MAOA: variants seen among roughly 807,000 people sequenced by gnomAD.
MAOA encodes monoamine oxidase A, also known as amine oxidase [flavin-containing] A.
In MAOA, 6 loss-of-function variants were observed where a neutral mutation model predicts 42.0. The ratio of observed to expected loss-of-function variants is 0.14; its 90% CI spans 0.08 to 0.28. The LOEUF is 0.28. MAOA is among the 10% of genes least tolerant of loss of function. MAOA has a pLI of 1.00. For synonymous variants in MAOA, 140 were observed against 154.0 expected (o/e 0.91, Z 0.67); for missense variants, 262 against 422.3 (o/e 0.62, Z 3.33).
chrX:43,700,212 T>C (rs571053027), intron 3 of MAOA, among the ~76,000 whole-genome samples: 22 of 112,287 alleles, frequency 2.0e-4, no homozygotes, highest in African/African-American at 7.1e-4. Flanking sequence ...AAAAGCATTA[T>C]TTTTCCCAAC....
intron 1 of MAOA, among the ~76,000 whole-genome samples, chrX:43,675,433 G>T (rs1308927870): frequency 1.8e-5 from 2 of 111,248 alleles, no homozygotes; most frequent in Admixed American, 9.5e-5. Context: ...AGCCTTCTTC[G>T]CTCAACTCGT....
chrX:43,692,920 A>G (rs1178422975), intron 2 of MAOA, among the ~76,000 whole-genome samples: 1 of 112,401 alleles, frequency 8.9e-6, no homozygotes, highest in African/African-American at 3.2e-5. Context: ...GGTGGAAATT[A>G]GGGAATTAGG....
intron 5 of MAOA, among the ~76,000 whole-genome samples, chrX:43,715,802 T>C (rs2033738473): frequency 9.2e-6 from 1 of 108,412 alleles, no homozygotes; most frequent in African/African-American, 3.4e-5. Flanking sequence ...GGATACTGTG[T>C]TTGTAGGGGG....
At chrX:43,735,157 C>T (rs956628543) in intron 9 of MAOA, among the ~76,000 whole-genome samples, 1 of 112,139 alleles carries the variant, frequency 8.9e-6, no homozygotes, top group Non-Finnish European at 1.9e-5. Flanking sequence ...CCTAAAGGAA[C>T]TGCCAATCCA....
intron 1 of MAOA, among the ~76,000 whole-genome samples, chrX:43,673,002 T>G (rs1476002088): frequency 1.8e-5 from 2 of 111,309 alleles, no homozygotes; most frequent in Non-Finnish European, 3.8e-5. Flanking sequence ...TGGAATAGTT[T>G]CAGAAGGAAT....
chrX:43,684,565 C>CAAAAG (rs2033469346), intron 2 of MAOA, among the ~76,000 whole-genome samples: 1 of 111,069 alleles, frequency 9.0e-6, no homozygotes, highest in African/African-American at 3.3e-5. Context: ...CAAAACAAAA[C>CAAAAG]AAAACAAAAA....
intron 7 of MAOA, 146 bp downstream of exon 7, chrX:43,731,536 A>G (rs1339147603): frequency 1.2e-6 from 1 of 861,090 alleles, no homozygotes; most frequent in African/African-American, 2.0e-5. Flanking sequence ...TGGTTGACCT[A>G]CCTTGATCTG....
At chrX:43,709,895 T>G (rs2033687292) in intron 3 of MAOA, among the ~76,000 whole-genome samples, 2 of 112,303 alleles carry the variant, frequency 1.8e-5, no homozygotes, top group Non-Finnish European at 3.8e-5. Flanking sequence ...AAAAGGTACA[T>G]GTGGAAGATT....
At chrX:43,725,492 C>T in intron 5 of MAOA, among the ~76,000 whole-genome samples, 1 of 111,017 alleles carries the variant, frequency 9.0e-6, no homozygotes, top group East Asian at 2.8e-4. Context: ...GATTACAACC[C>T]CTGCTTTTTT....
intron 10 of MAOA, among the ~76,000 whole-genome samples, chrX:43,737,819 G>T (rs1298313370): frequency 9.0e-6 from 1 of 111,231 alleles, no homozygotes; most frequent in Non-Finnish European, 1.9e-5. Flanking sequence ...AGCATATAGC[G>T]CATACTTTTT....
At chrX:43,696,586 G>A (rs1020940241) in intron 3 of MAOA, among the ~76,000 whole-genome samples, 2 of 110,220 alleles carry the variant, frequency 1.8e-5, no homozygotes, top group East Asian at 2.9e-4. Flanking sequence ...AAAATTAGCC[G>A]GGCGTGCTGG....
intron 1 of MAOA, among the ~76,000 whole-genome samples, chrX:43,661,585 A>T (rs1296922565): frequency 9.0e-6 from 1 of 110,563 alleles, no homozygotes; most frequent in Non-Finnish European, 1.9e-5. Flanking sequence ...GAATGAAAAT[A>T]GTTGTTTCCT....
At chrX:43,681,880 A>ATATATAT (rs1337382916) in intron 1 of MAOA, among the ~76,000 whole-genome samples, 33 of 87,558 alleles carry the variant, frequency 3.8e-4, no homozygotes, top group African/African-American at 1.3e-3. Flanking sequence ...ATATATATAT[A>ATATATAT]TTTTTTTTTT....
chrX:43,658,152 C>G (rs2033201357), intron 1 of MAOA, among the ~76,000 whole-genome samples: 1 of 111,720 alleles, frequency 9.0e-6, no homozygotes, highest in African/African-American at 3.3e-5. Flanking sequence ...AATATGATGA[C>G]AATGTGTTAT....
intron 1 of MAOA, among the ~76,000 whole-genome samples, chrX:43,682,431 G>A (rs1403265768): frequency 8.9e-6 from 1 of 111,857 alleles, no homozygotes; most frequent in Admixed American, 9.5e-5. Flanking sequence ...AAGGGGCATA[G>A]GAGCCAACTA....
intron 1 of MAOA, among the ~76,000 whole-genome samples, chrX:43,660,050 A>G (rs2033220022): frequency 9.0e-6 from 1 of 111,506 alleles, no homozygotes; most frequent in Admixed American, 9.5e-5. Flanking sequence ...CCCATTAGGT[A>G]ATTTCTCATC....
intron 10 of MAOA, among the ~76,000 whole-genome samples, chrX:43,739,432 A>AT (rs929532037): frequency 2.7e-5 from 3 of 112,174 alleles, no homozygotes; most frequent in Non-Finnish European, 5.6e-5. Context: ...GATTTTATAC[A>AT]TATGAGGTGA....
chrX:43,680,951 T>G, intron 1 of MAOA, among the ~76,000 whole-genome samples: 1 of 111,717 alleles, frequency 9.0e-6, no homozygotes, highest in Non-Finnish European at 1.9e-5. Flanking sequence ...AGTATTATTA[T>G]GAACTCATGG....
At chrX:43,732,529 A>G (rs765670303) in intron 8 of MAOA, among the ~76,000 whole-genome samples, 170 bp from the exon 9 acceptor site, 1 of 98,772 alleles carries the variant, frequency 1.0e-5, no homozygotes, top group East Asian at 3.0e-4. Context: ...GTGAATAGAC[A>G]TCCTTATATA....
Sources: gnomAD v4.1 joint callset for allele counts (sites outside exome capture counted in the v4.1 genomes callset) on GRCh38, gnomAD v4.1.1 for gene constraint, MANE v1.5 for transcripts, NCBI Gene and HGNC (gene_info 2026-07-23, HGNC 2026-07-21) for gene names.